Variants in FAAH2 observed in about 807,000 individuals in gnomAD.
FAAH2 encodes the protein fatty acid amide hydrolase 2.
FAAH2 carries 60 observed loss-of-function variants against 36.9 expected under a neutral mutation model. The ratio of observed to expected loss-of-function variants is 1.63; its 90% confidence interval spans 1.32 to 2.02. The LOEUF (loss-of-function observed/expected upper bound fraction) is 2.02, where lower values mean the gene tolerates loss of function less well. FAAH2 is among the 30% of genes most tolerant of loss of function. The pLI is 0.00. For missense variants in FAAH2, 689 were observed against 397.5 expected (o/e 1.73, Z -6.23); for synonymous variants, 214 against 143.8 (o/e 1.49, Z -3.49).
intron 2 of FAAH2, among the ~76,000 whole-genome samples, chrX:57,303,571 T>G (rs1181900431): frequency 8.9e-6 from 1 of 111,866 alleles, no homozygotes; most frequent in East Asian, 2.8e-4. Flanking sequence ...CATGTAGATT[T>G]TATTGTTACC....
At chrX:57,366,285 A>G (rs1258553813) in intron 5 of FAAH2, among the ~76,000 whole-genome samples, 1 of 111,823 alleles carries the variant, frequency 8.9e-6, no homozygotes, top group Non-Finnish European at 1.9e-5. Flanking sequence ...GTTGATTGGC[A>G]TCATTTTCAG....
chrX:57,333,806 A>G (rs1329715821), intron 4 of FAAH2, among the ~76,000 whole-genome samples: 1 of 111,812 alleles, frequency 8.9e-6, no homozygotes, highest in Non-Finnish European at 1.9e-5. Flanking sequence ...CACATATGTA[A>G]TTGGAACACT....
the FAAH2 span, among the ~76,000 whole-genome samples, chrX:57,227,825 C>T: frequency 9.0e-6 from 1 of 111,649 alleles, no homozygotes. Context: ...GCTGTGGCTG[C>T]AGTGGTGGAT....
chrX:57,186,285 C>T, the FAAH2 span, among the ~76,000 whole-genome samples: 1 of 111,912 alleles, frequency 8.9e-6, no homozygotes, highest in South Asian at 3.7e-4. Flanking sequence ...GATGGTATTT[C>T]ATTGTGGTTT....
intron 7 of FAAH2, among the ~76,000 whole-genome samples, chrX:57,422,575 C>G (rs974054852): frequency 2.7e-5 from 3 of 111,708 alleles, no homozygotes; most frequent in African/African-American, 9.8e-5. Context: ...AAATGAATGT[C>G]AGCTAAACCT....
chrX:57,142,810 C>A, the FAAH2 span, among the ~76,000 whole-genome samples: 2 of 111,426 alleles, frequency 1.8e-5, no homozygotes, highest in Non-Finnish European at 3.8e-5. Flanking sequence ...TATATATTTA[C>A]AATTATTATA....
rs866484504 is a variant in FAAH2 at position 57,307,018 on chromosome X, G to T, written c.276-3575G>T. ...AGATACATATATATATATATATATA[G>T]CCTTTGTCCTCTGAGTACCGCTGGC... is the stretch of plus-strand genomic sequence containing the variant. On this transcript the variant is annotated intron_variant, in intron 2 of 10. Coordinates refer to ENST00000374900, the MANE Select transcript of FAAH2 (RefSeq NM_174912.4). 3.9e-3 allele frequency among the ~76,000 whole-genome samples: 32 copies of T among 8,159 alleles called. 1 individual carries two copies. The highest frequency in any genetic ancestry group is 0.029 in the Non-Finnish European group (20 of 700). 7.1% of individuals were successfully genotyped at this position (8,159 alleles called of 115,157 possible).
At chrX:57,157,754 G>C in the FAAH2 span, among the ~76,000 whole-genome samples, 1 of 111,581 alleles carries the variant, frequency 9.0e-6, no homozygotes, top group Non-Finnish European at 1.9e-5. Flanking sequence ...TGTTCCGCAG[G>C]GGGTAGGAGG....
chrX:57,467,251 G>A (rs1392593089), intron 10 of FAAH2, among the ~76,000 whole-genome samples: 3 of 111,061 alleles, frequency 2.7e-5, no homozygotes, highest in African/African-American at 6.5e-5. Flanking sequence ...TGGACAGTGG[G>A]TGCAGGACAG....
At chrX:57,457,995 A>G (rs1165657730) in intron 10 of FAAH2, among the ~76,000 whole-genome samples, 3 of 112,087 alleles carry the variant, frequency 2.7e-5, no homozygotes, top group Non-Finnish European at 5.6e-5. Flanking sequence ...CTAAAGCAAT[A>G]TTAATCAAAA....
the FAAH2 span, among the ~76,000 whole-genome samples, chrX:57,244,139 G>A: frequency 1.9e-5 from 2 of 107,554 alleles, no homozygotes; most frequent in African/African-American, 6.8e-5. Flanking sequence ...GCAGAAGAAA[G>A]GACATCGAGG....
intron 8 of FAAH2, among the ~76,000 whole-genome samples, chrX:57,437,969 A>C (rs1267659355): frequency 9.6e-6 from 1 of 104,051 alleles, no homozygotes; most frequent in East Asian, 3.0e-4. Context: ...ATACATACGT[A>C]TATGTATACA....
At chrX:57,166,010 A>C in the FAAH2 span, among the ~76,000 whole-genome samples, 5 of 111,358 alleles carry the variant, frequency 4.5e-5, no homozygotes, top group African/African-American at 1.6e-4. Flanking sequence ...AAATGGAAGA[A>C]CACACAGGTG....
the FAAH2 span, among the ~76,000 whole-genome samples, chrX:57,279,031 G>C: frequency 1.8e-5 from 2 of 112,183 alleles, no homozygotes; most frequent in South Asian, 7.4e-4. Flanking sequence ...CAACCATTGT[G>C]GAAGACAATG....
chrX:57,217,293 C>T, the FAAH2 span, among the ~76,000 whole-genome samples: 1 of 108,248 alleles, frequency 9.2e-6, no homozygotes, highest in South Asian at 4.0e-4. Context: ...GAATTAGGTC[C>T]CAGCTATTTA....
the FAAH2 span, chrX:57,121,827 C>T: frequency 8.9e-6 from 1 of 112,604 alleles, no homozygotes; most frequent in Non-Finnish European, 1.9e-5. Context: ...TGGAATTCGC[C>T]TTGCTGCCGC....
the FAAH2 span, among the ~76,000 whole-genome samples, chrX:57,258,709 CTTT>C: frequency 1.5e-3 from 136 of 87,809 alleles, no homozygotes; most frequent in African/African-American, 3.2e-3. Flanking sequence ...TTTTTGTTGC[CTTT>C]TTTTTTTTTT....
At chrX:57,355,353 G>A (rs746207074) in intron 5 of FAAH2, among the ~76,000 whole-genome samples, 1 of 110,545 alleles carries the variant, frequency 9.0e-6, no homozygotes, top group South Asian at 3.8e-4. Flanking sequence ...GGAACAATGT[G>A]AAATTTACCA....
chrX:57,140,685 C>T, the FAAH2 span, among the ~76,000 whole-genome samples: 345 of 110,348 alleles, frequency 3.1e-3, 3 homozygotes, highest in Non-Finnish European at 5.9e-3. Context: ...TCAGCATCAG[C>T]GATGCAGCTG....
Sources: allele counts gnomAD v4.1 joint callset (sites outside exome capture counted in the v4.1 genomes callset), GRCh38; gene constraint gnomAD v4.1.1; transcripts MANE v1.5; gene names NCBI Gene and HGNC (gene_info 2026-07-23, HGNC 2026-07-21).